Variants in RPS6KC1 observed in about 807,000 individuals in gnomAD.
RPS6KC1 encodes the protein ribosomal protein S6 kinase C1, also known as inactive ribosomal protein S6 kinase delta-1.
Under a neutral mutation model 103.8 loss-of-function variants are expected in RPS6KC1, and 54 were observed. That is an observed-to-expected ratio of 0.52 (90% CI 0.42 to 0.65). RPS6KC1 has a LOEUF of 0.65. Ranked by LOEUF, RPS6KC1 falls within the 30% of genes least tolerant of loss-of-function variation. The pLI, the probability that RPS6KC1 is intolerant of heterozygous loss-of-function variation, is 0.00. For missense variants in RPS6KC1, 1,151 were observed against 1,253.8 expected, an observed-to-expected ratio of 0.92 and a Z score of 1.24; for synonymous variants, 439 against 438.7, an observed-to-expected ratio of 1.00 and a Z score of -0.01.
the RPS6KC1 span, among the ~76,000 whole-genome samples, chr1:213,407,333 C>A: frequency 1.1e-4 from 17 of 152,092 alleles, no homozygotes; most frequent in African/African-American, 2.7e-4. Context: ...AGCCCCTATA[C>A]CCCTATGGAA....
the RPS6KC1 span, among the ~76,000 whole-genome samples, chr1:213,745,658 G>A: frequency 2.6e-5 from 4 of 152,108 alleles, no homozygotes. Flanking sequence ...TGTGAGGCAT[G>A]GATGGAAGAG....
the RPS6KC1 span, among the ~76,000 whole-genome samples, chr1:213,523,172 G>A: frequency 6.6e-6 from 1 of 152,246 alleles, no homozygotes; most frequent in Non-Finnish European, 1.5e-5. Context: ...GAAAGGGAGA[G>A]AGATGGGGGA....
At chr1:213,072,143 T>G (rs1275187976) in intron 2 of RPS6KC1, among the ~76,000 whole-genome samples, 6 of 152,090 alleles carry the variant, frequency 3.9e-5, no homozygotes, top group Non-Finnish European at 7.4e-5. Context: ...CAGTATTGTT[T>G]TTTTTTTTTC....
At chr1:213,114,310 C>T (rs1463433826) in intron 4 of RPS6KC1, among the ~76,000 whole-genome samples, 5 of 118,112 alleles carry the variant, frequency 4.2e-5, no homozygotes, top group African/African-American at 1.8e-4. Context: ...GTATTTTATT[C>T]TCTTTGAAGC....
At chr1:213,590,208 A>G in the RPS6KC1 span, among the ~76,000 whole-genome samples, 1 of 152,124 alleles carries the variant, frequency 6.6e-6, no homozygotes, top group East Asian at 1.9e-4. Flanking sequence ...TGGGGGTTAA[A>G]TCTTCTGCTA....
chr1:213,318,049 C>G, the RPS6KC1 span, among the ~76,000 whole-genome samples: 2 of 152,332 alleles, frequency 1.3e-5, no homozygotes, highest in African/African-American at 4.8e-5. Flanking sequence ...GGGGCAGGGG[C>G]TGTGTTCGCT....
intron 1 of RPS6KC1, among the ~76,000 whole-genome samples, chr1:213,070,761 G>A (rs947576271): frequency 6.6e-6 from 1 of 152,172 alleles, no homozygotes; most frequent in African/African-American, 2.4e-5. Context: ...TATGTACAGA[G>A]AAACTTTTAG....
the RPS6KC1 span, among the ~76,000 whole-genome samples, chr1:213,582,146 T>C: frequency 6.7e-6 from 1 of 150,356 alleles, no homozygotes; most frequent in Non-Finnish European, 1.5e-5. Flanking sequence ...ACACATATTC[T>C]AAATACTTGC....
chr1:213,358,987 A>G, the RPS6KC1 span, among the ~76,000 whole-genome samples: 1 of 152,142 alleles, frequency 6.6e-6, no homozygotes, highest in East Asian at 1.9e-4. Flanking sequence ...TATGTGGTCA[A>G]TTTTGGAATA....
At chr1:213,656,128 C>G in the RPS6KC1 span, among the ~76,000 whole-genome samples, 1 of 152,070 alleles carries the variant, frequency 6.6e-6, no homozygotes, top group Non-Finnish European at 1.5e-5. Context: ...CAATGTTGTC[C>G]CCATTTGCAG....
chr1:213,719,233 C>A, the RPS6KC1 span, among the ~76,000 whole-genome samples: 1 of 152,206 alleles, frequency 6.6e-6, no homozygotes, highest in East Asian at 1.9e-4. Context: ...CGTGTGATTT[C>A]TTATATTATT....
the RPS6KC1 span, among the ~76,000 whole-genome samples, chr1:213,667,770 G>C: frequency 1.3e-5 from 2 of 152,172 alleles, no homozygotes; most frequent in Admixed American, 1.3e-4. Flanking sequence ...TGTTGCTGCT[G>C]TATTGCCTAT....
the RPS6KC1 span, among the ~76,000 whole-genome samples, chr1:213,614,921 G>T: frequency 2.9e-3 from 436 of 152,152 alleles, 2 homozygotes; most frequent in African/African-American, 1.0e-2. Context: ...TGTTGCCTGG[G>T]CTGGTCTTGA....
the RPS6KC1 span, among the ~76,000 whole-genome samples, chr1:213,670,391 T>G: frequency 6.6e-6 from 1 of 152,038 alleles, no homozygotes; most frequent in Non-Finnish European, 1.5e-5. Flanking sequence ...GAATGAGCAG[T>G]AGGGGGAAGA....
chr1:213,651,354 G>A, the RPS6KC1 span, among the ~76,000 whole-genome samples: 1 of 152,168 alleles, frequency 6.6e-6, no homozygotes, highest in Admixed American at 6.5e-5. Flanking sequence ...TGGAGAAGCT[G>A]GAGAGCCACG....
At chr1:213,749,001 G>A in the RPS6KC1 span, among the ~76,000 whole-genome samples, 1 of 152,194 alleles carries the variant, frequency 6.6e-6, no homozygotes, top group Non-Finnish European at 1.5e-5. Context: ...ACAGCCTGTA[G>A]AATTTTCAAT....
chr1:213,617,914 T>C, the RPS6KC1 span, among the ~76,000 whole-genome samples: 1 of 152,112 alleles, frequency 6.6e-6, no homozygotes, highest in South Asian at 2.1e-4. Context: ...GAATGAAAAA[T>C]GTGAGAGGGG....
the RPS6KC1 span, among the ~76,000 whole-genome samples, chr1:213,813,590 G>A: frequency 4.6e-5 from 7 of 152,270 alleles, no homozygotes; most frequent in African/African-American, 1.7e-4. Flanking sequence ...GCAAATTTCC[G>A]TTTTTGTCTG....
At chr1:213,397,957 G>A in the RPS6KC1 span, among the ~76,000 whole-genome samples, 1 of 152,220 alleles carries the variant, frequency 6.6e-6, no homozygotes, top group South Asian at 2.1e-4. Context: ...GTGCTAGGCT[G>A]AAGGGGACAC....
Sources: gnomAD v4.1 joint callset for allele counts (sites outside exome capture counted in the v4.1 genomes callset) on GRCh38, gnomAD v4.1.1 for gene constraint, MANE v1.5 for transcripts, NCBI Gene and HGNC (gene_info 2026-07-23, HGNC 2026-07-21) for gene names.